The following COL8A1 variants were observed in gnomAD, a reference collection of about 807,000 sequenced individuals.
COL8A1 encodes collagen type VIII alpha 1 chain, also known as collagen alpha-1(VIII) chain.
COL8A1 carries 21 observed loss-of-function variants against 42.7 expected under a neutral mutation model. That is an observed-to-expected ratio of 0.49 (90% CI 0.35 to 0.71). The LOEUF (loss-of-function observed/expected upper bound fraction) is 0.71, where lower values mean the gene tolerates loss of function less well. Ranked by LOEUF, COL8A1 falls within the 30% of genes least tolerant of loss-of-function variation. The pLI, the probability that COL8A1 is intolerant of heterozygous loss-of-function variation, is 0.01. For synonymous variants in COL8A1, 367 were observed against 369.1 expected (o/e 0.99, Z 0.06); for missense variants, 788 against 962.4 (o/e 0.82, Z 2.40).
intron 1 of COL8A1, among the ~76,000 whole-genome samples, chr3:99,694,835 A>C (rs1559781247): frequency 6.6e-6 from 1 of 152,216 alleles, no homozygotes; most frequent in Non-Finnish European, 1.5e-5. Flanking sequence ...AAAAATGTCT[A>C]GCATGAAAGG....
At chr3:99,693,262 G>A (rs1939275936) in intron 1 of COL8A1, among the ~76,000 whole-genome samples, 1 of 152,198 alleles carries the variant, frequency 6.6e-6, no homozygotes, top group African/African-American at 2.4e-5. Context: ...GATGGTAAAT[G>A]ACTATGCTAT....
At chr3:99,692,588 G>T (rs1317879779) in intron 1 of COL8A1, among the ~76,000 whole-genome samples, 1 of 152,182 alleles carries the variant, frequency 6.6e-6, no homozygotes, top group African/African-American at 2.4e-5. Context: ...CACTGCATTT[G>T]GCCTTAGCAA....
Position 99,638,699 on chromosome 3 carries a change from A to G in COL8A1, c.-129+35A>G, listed in dbSNP as rs1432790342. 2.6e-5 allele frequency: 4 copies of G among 152,128 alleles called. No homozygotes were observed. In the East Asian group the frequency reaches 5.8e-4, roughly 22 times the overall value. 9.4% of individuals were successfully genotyped at this position (152,128 alleles called of 1,614,324 possible). A position where few individuals can be genotyped will look rare whatever the true frequency, so the allele number is the denominator to read the frequency against. On this transcript the variant is annotated intron_variant, in intron 1 of 3. Coordinates refer to ENST00000652472, the MANE Select transcript of COL8A1 (RefSeq NM_020351.4). ...CACTTCTGCAGGCAGCTCACCTACC[A>G]GGGGTTGCTATGGGGGAATAAGTCA...
rs774125798 is a variant in COL8A1 at position 99,790,762 on chromosome 3, C to T, written c.80C>T (p.Ala27Val). The T allele has an allele frequency of 1.2e-6, 2 of 1,614,198 alleles. No individual in the cohort carries two copies. Among genetic ancestry groups the T allele is most frequent in the Non-Finnish European group, 8.5e-7 (1 of 1,180,040 alleles). The change falls in exon 3 of 4, where the codon GCT becomes GTT. Residue 27 changes from alanine (A) to valine (V), a missense_variant. By Grantham distance (64) the Ala-to-Val change is moderately conservative. Coordinates refer to ENST00000652472, the MANE Select transcript of COL8A1 (RefSeq NM_020351.4). ...ISLSSIRLIQ[A>V]GAYYGIKPLP... is the part of the protein sequence containing the mutation. ...CTGAGTTCCATCAGGCTCATTCAGG[C>T]TGGTGCCTACTATGGGATCAAGCCG...
intron 1 of COL8A1, among the ~76,000 whole-genome samples, chr3:99,711,138 A>T (rs1939822975): frequency 6.6e-6 from 1 of 152,106 alleles, no homozygotes; most frequent in Non-Finnish European, 1.5e-5. Flanking sequence ...TCAATTGCAA[A>T]TCTTCACAGT....
Position 99,796,201 on chromosome 3 carries a change from A to G in COL8A1, c.*65A>G. The stretch of plus-strand genomic sequence containing the variant: ...ATAGAAGAAAATGACACACCAAAAA[A>G]TCCAAATGAAAAACATAATTGCTTC... On this transcript the variant is annotated 3_prime_UTR_variant, in exon 4 of 4. Coordinates refer to ENST00000652472, the MANE Select transcript of COL8A1 (RefSeq NM_020351.4). The G allele has an allele frequency of 7.8e-7, 1 of 1,281,696 alleles. No homozygotes were observed. The highest frequency in any genetic ancestry group is 1.0e-6 in the Non-Finnish European group (1 of 968,600). The allele number at this position is 1,281,696 out of a possible 1,614,324, so 79.4% of individuals were successfully genotyped here. A position where few individuals can be genotyped will look rare whatever the true frequency, so the allele number is the denominator to read the frequency against.
intron 2 of COL8A1, among the ~76,000 whole-genome samples, chr3:99,782,552 C>T (rs1025215911): frequency 6.9e-4 from 105 of 152,126 alleles, no homozygotes; most frequent in African/African-American, 2.2e-3. Context: ...CCACCATGCC[C>T]GGCTAATTTT....
At chr3:99,727,163 C>T (rs1006350425) in intron 1 of COL8A1, among the ~76,000 whole-genome samples, 1 of 152,030 alleles carries the variant, frequency 6.6e-6, no homozygotes, top group African/African-American at 2.4e-5. Context: ...GTATTTTATT[C>T]TCTTTGAAGC....
At chr3:99,697,680 A>T (rs1939420634) in intron 1 of COL8A1, among the ~76,000 whole-genome samples, 1 of 152,226 alleles carries the variant, frequency 6.6e-6, no homozygotes, top group African/African-American at 2.4e-5. Context: ...TAGTTAAAAG[A>T]CATGAGATAC....
At position 99,790,972 on chromosome 3, in the gene COL8A1, C is replaced by A. The variant is rs80347112; in HGVS notation, c.290C>A (p.Pro97Gln). The A allele has an allele frequency of 7.4e-6, 12 of 1,613,192 alleles. No homozygotes were observed. The highest frequency in any genetic ancestry group is 1.7e-5 in the Admixed American group (1 of 59,992). ...PQYMKEIQPA[P>Q]RMGKEAVPKK... ...TATATGAAGGAAATTCAACCGGCGC[C>A]AAGAATGGGCAAGGAAGCCGTACCC... Residue 97 changes from proline to glutamine, a missense_variant, in exon 3 of 4, where the codon CCA becomes CAA. Physicochemically the swap from Pro to Gln is moderately conservative, Grantham distance 76 (BLOSUM62 -1). Transcript: ENST00000652472.
At chr3:99,721,436 G>T (rs67754408) in intron 1 of COL8A1, among the ~76,000 whole-genome samples, 1 of 28,666 alleles carries the variant, frequency 3.5e-5, no homozygotes, top group Non-Finnish European at 6.8e-5. Flanking sequence ...AGGGAAAGGG[G>T]AAGGGGAAGG....
At chr3:99,672,279 G>T (rs1041267068) in intron 1 of COL8A1, among the ~76,000 whole-genome samples, 1 of 151,816 alleles carries the variant, frequency 6.6e-6, no homozygotes, top group Admixed American at 6.6e-5. Flanking sequence ...AGGCAACATC[G>T]TTTCTTCTTT....
intron 1 of COL8A1, among the ~76,000 whole-genome samples, chr3:99,698,893 G>A (rs1164474713): frequency 2.6e-5 from 4 of 152,190 alleles, no homozygotes; most frequent in Non-Finnish European, 4.4e-5. Context: ...AATAACGTGA[G>A]CTCTAAGCAT....
intron 1 of COL8A1, among the ~76,000 whole-genome samples, chr3:99,717,697 A>G (rs984977822): frequency 9.2e-5 from 14 of 152,110 alleles, no homozygotes; most frequent in Admixed American, 8.5e-4. Context: ...AATTAGGTAT[A>G]TAACTTAAAA....
At chr3:99,677,602 A>G (rs948358532) in intron 1 of COL8A1, 8 of 152,196 alleles carry the variant, frequency 5.3e-5, no homozygotes, top group African/African-American at 1.4e-4. Flanking sequence ...ATGAAAATAT[A>G]CAAAGTGTTT....
intron 1 of COL8A1, among the ~76,000 whole-genome samples, chr3:99,660,473 G>T (rs1576418214): frequency 6.6e-6 from 1 of 152,256 alleles, no homozygotes; most frequent in African/African-American, 2.4e-5. Context: ...TTACATCCTT[G>T]CAGTCAGCCT....
At chr3:99,784,035 T>C (rs1321673463) in intron 2 of COL8A1, among the ~76,000 whole-genome samples, 3 of 152,206 alleles carry the variant, frequency 2.0e-5, no homozygotes, top group African/African-American at 7.2e-5. Flanking sequence ...AAAGCCTGTC[T>C]AAGAGCTTGT....
chr3:99,702,829 A>C (rs952047931), intron 1 of COL8A1, among the ~76,000 whole-genome samples: 1 of 152,200 alleles, frequency 6.6e-6, no homozygotes, highest in Non-Finnish European at 1.5e-5. Context: ...AGAAAAATAT[A>C]GGAAGCTGAA....
chr3:99,663,893 A>C (rs1261558385), intron 1 of COL8A1, among the ~76,000 whole-genome samples: 1 of 152,202 alleles, frequency 6.6e-6, no homozygotes, highest in South Asian at 2.1e-4. Flanking sequence ...TATGAGTTCT[A>C]TCAAATTATG....
Sources: gnomAD v4.1 joint callset for allele counts (sites outside exome capture counted in the v4.1 genomes callset) on GRCh38, gnomAD v4.1.1 for gene constraint, MANE v1.5 for transcripts, NCBI Gene and HGNC (gene_info 2026-07-23, HGNC 2026-07-21) for gene names.